KCNQ5: variants seen among roughly 807,000 people sequenced by gnomAD.
KCNQ5 encodes the protein potassium voltage-gated channel subfamily KQT member 5.
KCNQ5 carries 30 observed loss-of-function variants against 98.2 expected under a neutral mutation model. The observed-to-expected ratio is 0.31, with a 90% CI of 0.23 to 0.41. The LOEUF is 0.41. KCNQ5 is among the 10% of genes least tolerant of loss of function. KCNQ5 has a pLI of 1.00. For synonymous variants in KCNQ5, 458 were observed against 449.4 expected (o/e 1.02, Z -0.24); for missense variants, 835 against 1,182.5 (o/e 0.71, Z 4.31).
intron 7 of KCNQ5, among the ~76,000 whole-genome samples, chr6:73,120,052 G>T (rs995552174): frequency 6.8e-6 from 1 of 147,430 alleles, no homozygotes; most frequent in African/African-American, 2.5e-5. Flanking sequence ...AGCCTGGCCA[G>T]CATGGTGAAA....
chr6:72,651,182 C>A (rs969544402), intron 1 of KCNQ5, among the ~76,000 whole-genome samples: 1 of 152,084 alleles, frequency 6.6e-6, no homozygotes, highest in African/African-American at 2.4e-5. Context: ...ACCTTTTAAT[C>A]TCATCTGTGA....
chr6:72,746,613 A>G (rs931830660), intron 1 of KCNQ5, among the ~76,000 whole-genome samples: 4 of 152,184 alleles, frequency 2.6e-5, no homozygotes, highest in African/African-American at 9.7e-5. Flanking sequence ...TGCTTCAACA[A>G]CTACATTGGA....
At chr6:72,633,879 T>G (rs1027148239) in intron 1 of KCNQ5, among the ~76,000 whole-genome samples, 1 of 152,178 alleles carries the variant, frequency 6.6e-6, no homozygotes, top group African/African-American at 2.4e-5. Context: ...TATACAAAAA[T>G]TATCTCAAGA....
chr6:72,736,826 T>A (rs1321308143), intron 1 of KCNQ5, among the ~76,000 whole-genome samples: 2 of 151,972 alleles, frequency 1.3e-5, no homozygotes, highest in Non-Finnish European at 2.9e-5. Flanking sequence ...AGGAAAAAAT[T>A]TACGTAGGCA....
In KCNQ5 at chr6:72,669,651, C is replaced by T. The variant is rs550560026; in HGVS notation, c.398+47064C>T. On this transcript the variant is annotated intron_variant, in intron 1 of 13. Coordinates refer to ENST00000370398, the MANE Select transcript of KCNQ5 (RefSeq NM_019842.4). ...TCTTCCCTTTCTTTGAAGACTAGTT[C>T]GTGTTCATAGACAAAGAGCTCTATG... Among the ~76,000 whole-genome samples the T allele has an allele frequency of 2.6e-5, 4 of 152,278 alleles. No homozygotes were observed. The East Asian group carries it at 5.8e-4, about 22-fold the overall frequency.
At chr6:72,846,653 T>G (rs1047236744) in intron 1 of KCNQ5, among the ~76,000 whole-genome samples, 1 of 152,202 alleles carries the variant, frequency 6.6e-6, no homozygotes, top group South Asian at 2.1e-4. Context: ...CACTTCAGCT[T>G]GGGTAACAGA....
At chr6:73,081,021 A>C (rs971910329) in intron 5 of KCNQ5, among the ~76,000 whole-genome samples, 2 of 152,246 alleles carry the variant, frequency 1.3e-5, no homozygotes, top group Admixed American at 1.3e-4. Flanking sequence ...TACCAAGAAC[A>C]TAGCAAGTGC....
chr6:72,865,190 T>C (rs1004950640), intron 1 of KCNQ5, among the ~76,000 whole-genome samples: 2 of 152,178 alleles, frequency 1.3e-5, no homozygotes, highest in Non-Finnish European at 2.9e-5. Context: ...AATCAGGACC[T>C]CAATCCAAAA....
intron 2 of KCNQ5, among the ~76,000 whole-genome samples, chr6:73,035,791 T>C (rs1771386174): frequency 6.6e-6 from 1 of 152,172 alleles, no homozygotes; most frequent in African/African-American, 2.4e-5. Flanking sequence ...TTTTTTAAAT[T>C]TAAATTGTTA....
At chr6:72,910,413 G>T (rs1779880073) in intron 1 of KCNQ5, among the ~76,000 whole-genome samples, 2 of 152,112 alleles carry the variant, frequency 1.3e-5, no homozygotes, top group South Asian at 4.1e-4. Context: ...TGCTTATATT[G>T]AATATTATAA....
chr6:72,639,186 G>A (rs2098925842), intron 1 of KCNQ5, among the ~76,000 whole-genome samples: 1 of 152,142 alleles, frequency 6.6e-6, no homozygotes, highest in South Asian at 2.1e-4. Context: ...CTTGGGAAAT[G>A]AGAAGAGAAA....
chr6:73,195,142 A>C lies in KCNQ5; in HGVS notation c.2527A>C (p.Asn843His). 1.2e-6 allele frequency: 2 copies of C among 1,614,224 alleles called. No homozygotes were observed. The highest frequency in any genetic ancestry group is 1.7e-6 in the Non-Finnish European group (2 of 1,180,042). Residue 843 changes from asparagine to histidine, a missense_variant, in exon 14 of 14, where the codon AAT (asparagine) becomes CAT (histidine). Coordinates refer to ENST00000370398, the MANE Select transcript of KCNQ5 (RefSeq NM_019842.4). ...QNLIRSTEEL[N>H]IQLSGSESSG... ...CCTGATCAGGTCGACCGAGGAACTG[A>C]ATATACAACTTTCAGGGAGTGAGTC...
intron 1 of KCNQ5, among the ~76,000 whole-genome samples, chr6:72,798,460 C>T (rs910618141): frequency 6.6e-6 from 1 of 152,112 alleles, no homozygotes; most frequent in Non-Finnish European, 1.5e-5. Context: ...GTTATTCAAA[C>T]GAGTTTGGTT....
intron 1 of KCNQ5, among the ~76,000 whole-genome samples, chr6:72,633,236 G>T (rs748798383): frequency 1.3e-5 from 2 of 152,108 alleles, no homozygotes; most frequent in African/African-American, 2.4e-5. Flanking sequence ...CTTCTTTTGA[G>T]AAGTGTCTGT....
intron 3 of KCNQ5, among the ~76,000 whole-genome samples, chr6:73,076,777 G>A (rs1582309329): frequency 6.6e-6 from 1 of 152,260 alleles, no homozygotes; most frequent in East Asian, 1.9e-4. Flanking sequence ...AAAGTTGCAG[G>A]TGCCACATTA....
chr6:72,664,499 A>G (rs969241285), intron 1 of KCNQ5, among the ~76,000 whole-genome samples: 3 of 151,786 alleles, frequency 2.0e-5, no homozygotes, highest in East Asian at 3.9e-4. Context: ...ACTAGAAAAA[A>G]CAAAAATTAA....
intron 1 of KCNQ5, among the ~76,000 whole-genome samples, chr6:72,930,579 CAAA>C (rs5877339): frequency 2.1e-5 from 2 of 94,206 alleles, no homozygotes; most frequent in African/African-American, 7.4e-5. Context: ...GACATTTTAC[CAAA>C]AAAAAAAAAA....
At chr6:72,984,258 A>T (rs1301637235) in intron 1 of KCNQ5, among the ~76,000 whole-genome samples, 2 of 152,170 alleles carry the variant, frequency 1.3e-5, no homozygotes, top group African/African-American at 4.8e-5. Flanking sequence ...TCAGACAGGG[A>T]CGTTTAAATC....
At chr6:72,847,676 A>G (rs530384881) in intron 1 of KCNQ5, among the ~76,000 whole-genome samples, 15 of 152,250 alleles carry the variant, frequency 9.9e-5, no homozygotes, top group Admixed American at 8.5e-4. Context: ...CTGTATTTCA[A>G]TGCTTGCTGT....
Sources: allele counts gnomAD v4.1 joint callset (sites outside exome capture counted in the v4.1 genomes callset), GRCh38; gene constraint gnomAD v4.1.1; transcripts MANE v1.5; gene names NCBI Gene and HGNC (gene_info 2026-07-23, HGNC 2026-07-21).